IL1RAPL1: variants seen among roughly 807,000 people sequenced by gnomAD.
The protein encoded by IL1RAPL1 is interleukin-1 receptor accessory protein-like 1.
In IL1RAPL1, 3 loss-of-function variants were observed where a neutral mutation model predicts 48.4. That is an observed-to-expected ratio of 0.06 (90% CI 0.03 to 0.16). The LOEUF (loss-of-function observed/expected upper bound fraction) is 0.16. Ranked by LOEUF, IL1RAPL1 falls within the 10% of genes least tolerant of loss-of-function variation. The pLI, the probability that IL1RAPL1 is intolerant of heterozygous loss-of-function variation, is 1.00. For missense variants in IL1RAPL1, 349 were observed against 530.6 expected (o/e 0.66, Z 3.36); for synonymous variants, 185 against 187.7 (o/e 0.99, Z 0.12).
intron 6 of IL1RAPL1, among the ~76,000 whole-genome samples, chrX:29,757,475 G>T (rs1928647820): frequency 8.9e-6 from 1 of 112,039 alleles, no homozygotes; most frequent in Admixed American, 9.5e-5. Flanking sequence ...ATCGTATCAA[G>T]AAGGCAAGTG....
intron 2 of IL1RAPL1, among the ~76,000 whole-genome samples, chrX:28,836,373 A>ATATATATAT (rs1569183041): frequency 3.2e-5 from 3 of 94,036 alleles, no homozygotes; most frequent in African/African-American, 1.6e-4. Flanking sequence ...TGACAGAGAG[A>ATATATATAT]GAGAGAGAGA....
intron 2 of IL1RAPL1, among the ~76,000 whole-genome samples, chrX:29,123,623 A>G (rs1928842104): frequency 9.0e-6 from 1 of 111,634 alleles, no homozygotes; most frequent in Non-Finnish European, 1.9e-5. Flanking sequence ...TAATATGCCA[A>G]TCAAGAGTAA....
chrX:29,061,670 G>A (rs1467523150), intron 2 of IL1RAPL1, among the ~76,000 whole-genome samples: 1 of 111,963 alleles, frequency 8.9e-6, no homozygotes, highest in Non-Finnish European at 1.9e-5. Context: ...TTTTGGCCAG[G>A]CTGCTCTCAA....
At chrX:28,760,873 G>T (rs1230734526) in intron 1 of IL1RAPL1, among the ~76,000 whole-genome samples, 2 of 110,431 alleles carry the variant, frequency 1.8e-5, no homozygotes, top group Non-Finnish European at 3.8e-5. Flanking sequence ...GGATCATGAG[G>T]TCAGGAGTTC....
At position 29,249,553 on chromosome X, in the gene IL1RAPL1, CTA is replaced by C. The variant is rs200605059; in HGVS notation, c.83-33383_83-33382del. 5.0e-3 allele frequency among the ~76,000 whole-genome samples: 559 copies of C among 111,771 alleles called. 2 individuals are homozygous for C. Among genetic ancestry groups the C allele is most frequent in the Non-Finnish European group, 8.4e-3 (445 of 53,163 alleles). ...ACACCCCATTAACACTGATAGCACT[CTA>C]TGTTACTTTATTTTCAATTTTTTTC... On this transcript the variant is annotated intron_variant, in intron 2 of 10. Coordinates refer to ENST00000378993, the MANE Select transcript of IL1RAPL1 (RefSeq NM_014271.4).
chrX:29,910,291 C>T (rs1425127227), intron 6 of IL1RAPL1, among the ~76,000 whole-genome samples: 3 of 110,276 alleles, frequency 2.7e-5, no homozygotes, highest in African/African-American at 6.6e-5. Flanking sequence ...ATGCTTATAA[C>T]CTGGGTGATG....
intron 2 of IL1RAPL1, among the ~76,000 whole-genome samples, chrX:29,176,605 C>T (rs997261400): frequency 9.0e-6 from 1 of 110,910 alleles, no homozygotes; most frequent in Non-Finnish European, 1.9e-5. Flanking sequence ...GAAAGAGGAA[C>T]ATTTGTTTCA....
chrX:29,101,820 C>G (rs929041729), intron 2 of IL1RAPL1, among the ~76,000 whole-genome samples: 2 of 111,099 alleles, frequency 1.8e-5, no homozygotes, highest in African/African-American at 6.6e-5. Flanking sequence ...ACCTGTAATC[C>G]CAGCTACTCA....
At chrX:29,661,394 T>C (rs141298833) in intron 5 of IL1RAPL1, among the ~76,000 whole-genome samples, 344 of 112,367 alleles carry the variant, frequency 3.1e-3, no homozygotes, top group African/African-American at 8.4e-3. Context: ...CTTTGTCTTG[T>C]TCCAGATCTG....
intron 5 of IL1RAPL1, among the ~76,000 whole-genome samples, chrX:29,577,729 A>G (rs1170885039): frequency 8.9e-6 from 1 of 112,040 alleles, no homozygotes; most frequent in Non-Finnish European, 1.9e-5. Flanking sequence ...TTTCAATAGC[A>G]ACCTAAAGAC....
At chrX:29,035,569 G>A (rs1410866936) in intron 2 of IL1RAPL1, among the ~76,000 whole-genome samples, 1 of 110,812 alleles carries the variant, frequency 9.0e-6, no homozygotes, top group East Asian at 2.8e-4. Context: ...TTGAACCCAG[G>A]AGTCAGAGCT....
intron 5 of IL1RAPL1, among the ~76,000 whole-genome samples, chrX:29,448,266 T>A (rs1366117115): frequency 1.8e-5 from 2 of 111,814 alleles, no homozygotes; most frequent in Non-Finnish European, 3.8e-5. Context: ...TTCTCTGCTA[T>A]TTAAATGTGT....
intron 6 of IL1RAPL1, among the ~76,000 whole-genome samples, chrX:29,831,266 G>A (rs1303985373): frequency 9.0e-6 from 1 of 111,475 alleles, no homozygotes; most frequent in Non-Finnish European, 1.9e-5. Flanking sequence ...GGTATATAAA[G>A]TGTGGCTCTT....
In IL1RAPL1 at chrX:29,323,709, TTTTTTA is replaced by T. The variant is rs1231939881; in HGVS notation, c.362+40494_362+40499del. The stretch of plus-strand genomic sequence containing the variant: ...GCACTACCTACCAACTCATACTGAA[TTTTTTA>T]TATATATATATATATATATATATAT... On this transcript the variant is annotated intron_variant, in intron 3 of 10. Coordinates refer to ENST00000378993, the MANE Select transcript of IL1RAPL1 (RefSeq NM_014271.4). Among the ~76,000 whole-genome samples, 4 of 17,609 alleles carry T rather than the reference TTTTTTA, an allele frequency of 2.3e-4. 2 individuals are homozygous for T. The highest frequency in any genetic ancestry group is 3.9e-4 in the Non-Finnish European group (4 of 10,375). The allele number at this position is 17,609 out of a possible 115,157, so 15.3% of individuals were successfully genotyped here.
At chrX:29,950,852 G>T (rs984058880) in intron 9 of IL1RAPL1, among the ~76,000 whole-genome samples, 1 of 109,780 alleles carries the variant, frequency 9.1e-6, no homozygotes, top group Non-Finnish European at 1.9e-5. Flanking sequence ...AAATTTTTTT[G>T]TATTTTTAGT....
At chrX:28,589,376 G>A (rs1355506493) in intron 1 of IL1RAPL1, among the ~76,000 whole-genome samples, 1 of 111,609 alleles carries the variant, frequency 9.0e-6, no homozygotes, top group African/African-American at 3.3e-5. Context: ...GAGGAGGGCA[G>A]AGAGAGATTA....
intron 2 of IL1RAPL1, among the ~76,000 whole-genome samples, chrX:29,067,858 A>T (rs188793376): frequency 1.1e-3 from 120 of 112,298 alleles, no homozygotes; most frequent in African/African-American, 3.6e-3. Flanking sequence ...TAATAAAATT[A>T]AAAAATCACA....
At chrX:29,190,277 A>G (rs1170453708) in intron 2 of IL1RAPL1, among the ~76,000 whole-genome samples, 1 of 112,136 alleles carries the variant, frequency 8.9e-6, no homozygotes, top group Non-Finnish European at 1.9e-5. Context: ...ATTTGGTATC[A>G]TATGAAGCCA....
At chrX:29,660,878 T>G (rs9724115) in intron 5 of IL1RAPL1, among the ~76,000 whole-genome samples, 13,723 of 111,781 alleles carry the variant, frequency 0.12, 788 homozygotes, top group African/African-American at 0.22. Flanking sequence ...ATGACATTAG[T>G]ACTTTGATAG....
Sources: allele counts gnomAD v4.1 joint callset (sites outside exome capture counted in the v4.1 genomes callset), GRCh38; gene constraint gnomAD v4.1.1; transcripts MANE v1.5; gene names NCBI Gene and HGNC (gene_info 2026-07-23, HGNC 2026-07-21).